SLC14A2: variants seen among roughly 807,000 people sequenced by gnomAD.
SLC14A2 encodes the protein solute carrier family 14 member 2.
Under a neutral mutation model 104.6 loss-of-function variants are expected in SLC14A2, and 91 were observed. That is an observed-to-expected ratio of 0.87 (90% CI 0.73 to 1.04). The LOEUF (loss-of-function observed/expected upper bound fraction) is 1.04. SLC14A2 is among the 50% of genes least tolerant of loss of function. The probability of loss-of-function intolerance (pLI) is 0.00; values close to 1 mark genes in which losing one functional copy is unlikely to be tolerated. For synonymous variants in SLC14A2, 476 were observed against 466.4 expected (o/e 1.02, Z -0.27); for missense variants, 1,189 against 1,156.0 (o/e 1.03, Z -0.41).
At chr18:45,350,613 G>T (rs578054889) in intron 1 of SLC14A2, among the ~76,000 whole-genome samples, 3 of 152,294 alleles carry the variant, frequency 2.0e-5, no homozygotes, top group African/African-American at 7.2e-5. Context: ...AATTGATGTG[G>T]CTTCTCGGGA....
intron 1 of SLC14A2, among the ~76,000 whole-genome samples, chr18:45,419,401 C>T (rs1355446977): frequency 2.0e-5 from 3 of 152,228 alleles, no homozygotes; most frequent in Non-Finnish European, 2.9e-5. Context: ...CTCTTCCTTA[C>T]TCTTGAATAT....
At chr18:45,376,737 G>A (rs1376934483) in intron 1 of SLC14A2, among the ~76,000 whole-genome samples, 1 of 152,210 alleles carries the variant, frequency 6.6e-6, no homozygotes, top group African/African-American at 2.4e-5. Context: ...GCCAAGGCAT[G>A]CTTTGAAGCT....
At chr18:45,398,702 A>C (rs1335296706) in intron 1 of SLC14A2, among the ~76,000 whole-genome samples, 2 of 152,226 alleles carry the variant, frequency 1.3e-5, no homozygotes, top group African/African-American at 4.8e-5. Flanking sequence ...AGTCAACCCC[A>C]AAAGGATAAG....
intron 1 of SLC14A2, among the ~76,000 whole-genome samples, chr18:45,368,040 G>A (rs1425319343): frequency 6.6e-6 from 1 of 152,050 alleles, no homozygotes; most frequent in Non-Finnish European, 1.5e-5. Flanking sequence ...TGTGCACAGT[G>A]GGAATTCCTA....
At chr18:45,422,058 C>G (rs1282831218) in intron 1 of SLC14A2, among the ~76,000 whole-genome samples, 2 of 152,126 alleles carry the variant, frequency 1.3e-5, no homozygotes, top group South Asian at 2.1e-4. Context: ...AGAAGAGAAG[C>G]TGAAAATGTG....
At chr18:45,505,728 T>C (rs954102344) in intron 2 of SLC14A2, among the ~76,000 whole-genome samples, 1 of 152,134 alleles carries the variant, frequency 6.6e-6, no homozygotes, top group Non-Finnish European at 1.5e-5. Context: ...ACGCTGACAT[T>C]TTAATTGGAA....
intron 2 of SLC14A2, among the ~76,000 whole-genome samples, chr18:45,541,835 G>T (rs1346314262): frequency 1.3e-5 from 2 of 152,112 alleles, no homozygotes; most frequent in Non-Finnish European, 2.9e-5. Context: ...ATAATTTCCA[G>T]ATGGGCAGGT....
intron 1 of SLC14A2, among the ~76,000 whole-genome samples, chr18:45,295,008 T>C (rs1475792258): frequency 6.6e-6 from 1 of 152,254 alleles, no homozygotes; most frequent in Non-Finnish European, 1.5e-5. Flanking sequence ...GTTTCATTCC[T>C]TTACTCATTT....
chr18:45,633,161 A>G (rs1335540150), intron 5 of SLC14A2, among the ~76,000 whole-genome samples: 1 of 152,220 alleles, frequency 6.6e-6, no homozygotes, highest in Non-Finnish European at 1.5e-5. Flanking sequence ...ATGGAAGGGA[A>G]GACCAAGGCA....
At chr18:45,615,345 T>C (rs2045044320), upstream of SLC14A2, 1 of 152,178 alleles carries the variant, frequency 6.6e-6, no homozygotes, top group Non-Finnish European at 1.5e-5. Context: ...GTAATCCCCA[T>C]ATGTTGAGGG....
rs2046034976 is a variant in SLC14A2 at position 45,666,921 on chromosome 18, T to C, written c.1558-14T>C. The C allele has an allele frequency of 6.2e-7, 1 of 1,611,912 alleles. No individual in the cohort carries two copies. Among genetic ancestry groups the C allele is most frequent in the African/African-American group, 1.3e-5 (1 of 74,882 alleles). ...CGAATGTGGGAGACTCTTGCCTATC[T>C]CTGTCCTGGACAGGATCTGGACACC... is the stretch of plus-strand genomic sequence containing the variant. On this transcript the variant is annotated splice_polypyrimidine_tract_variant and intron_variant, in intron 12 of 19. Coordinates refer to ENST00000255226, the MANE Select transcript of SLC14A2 (RefSeq NM_007163.4).
At chr18:45,549,671 T>A (rs2044028893) in intron 2 of SLC14A2, among the ~76,000 whole-genome samples, 1 of 152,204 alleles carries the variant, frequency 6.6e-6, no homozygotes, top group African/African-American at 2.4e-5. Context: ...CCAAGGGACC[T>A]AGTGAAGTTT....
chr18:45,261,083 T>C (rs2084531323), intron 1 of SLC14A2, among the ~76,000 whole-genome samples: 2 of 152,140 alleles, frequency 1.3e-5, no homozygotes, highest in African/African-American at 4.8e-5. Flanking sequence ...TACATACGTA[T>C]ACGTGTGCCA....
chr18:45,401,380 G>A (rs768422480), intron 1 of SLC14A2, among the ~76,000 whole-genome samples: 1 of 152,152 alleles, frequency 6.6e-6, no homozygotes, highest in Non-Finnish European at 1.5e-5. Flanking sequence ...GAAAATCCTT[G>A]TCATCATTAA....
rs570917967 is a variant in SLC14A2, at chr18:45,335,188, C to A, written c.-125+121997C>A. ...CCTTCCTACTCCTTTTCCTCCCCTG[C>A]CACCCACTCCAAGCAGCCTCTGATC... On this transcript the variant is annotated intron_variant, in intron 1 of 20. Coordinates refer to the SLC14A2 transcript ENST00000586448. Among the ~76,000 whole-genome samples, 11 of 152,290 alleles carry A rather than the reference C, an allele frequency of 7.2e-5. 1 individual carries two copies. In the East Asian group the frequency reaches 1.7e-3, roughly 24 times the overall value.
At chr18:45,623,003 C>A (rs1278570502) in intron 1 of SLC14A2, among the ~76,000 whole-genome samples, 1 of 152,056 alleles carries the variant, frequency 6.6e-6, no homozygotes, top group African/African-American at 2.4e-5. Flanking sequence ...TTTATCCCGG[C>A]TGGAATTTCA....
intron 1 of SLC14A2, among the ~76,000 whole-genome samples, chr18:45,285,306 C>T (rs766086739): frequency 7.2e-5 from 11 of 152,174 alleles, no homozygotes; most frequent in East Asian, 1.9e-4. Context: ...AAAGAAGCTA[C>T]GTGACTTTTA....
At chr18:45,572,618 T>A (rs529717378) in intron 2 of SLC14A2, among the ~76,000 whole-genome samples, 3 of 152,176 alleles carry the variant, frequency 2.0e-5, no homozygotes, top group Admixed American at 1.3e-4. Context: ...TATCTTTAAG[T>A]CTCAATCCAG....
rs1346655859 is a variant in SLC14A2 at position 45,666,968 on chromosome 18, A to G, written c.1591A>G (p.Lys531Glu). 6.2e-7 allele frequency: 1 copy of G among 1,614,152 alleles called. No homozygotes were observed. Among genetic ancestry groups the G allele is most frequent in the East Asian group, 2.2e-5 (1 of 44,880 alleles). ...CACCATGGAGGAGAGCTCTGAGATA[A>G]AAGTGGAAACAAACATTTCCAAGAC... ...LDTMEESSEI[K>E]VETNISKTSW... is the part of the protein sequence containing the mutation. Residue 531 changes from lysine (K) to glutamate (E), a missense_variant, in exon 13 of 20, where the codon AAA (lysine) becomes GAA (glutamate). Coordinates refer to ENST00000255226, the MANE Select transcript of SLC14A2 (RefSeq NM_007163.4).
Sources: gnomAD v4.1 joint callset for allele counts (sites outside exome capture counted in the v4.1 genomes callset) on GRCh38, gnomAD v4.1.1 for gene constraint, MANE v1.5 for transcripts, NCBI Gene and HGNC (gene_info 2026-07-23, HGNC 2026-07-21) for gene names.